Variants in TUBGCP2 observed in about 807,000 individuals in gnomAD.
TUBGCP2 encodes tubulin gamma complex component 2, also known as gamma-tubulin complex component 2.
TUBGCP2 carries 55 observed loss-of-function variants against 92.2 expected under a neutral mutation model. The ratio of observed to expected loss-of-function variants is 0.60; its 90% CI spans 0.48 to 0.75. The LOEUF (loss-of-function observed/expected upper bound fraction) is 0.75, where lower values mean the gene tolerates loss of function less well. Among genes scored for constraint, TUBGCP2 ranks in the 30% least tolerant of loss-of-function variants. The probability of loss-of-function intolerance (pLI) is 0.00; values close to 1 mark genes in which losing one functional copy is unlikely to be tolerated. For synonymous variants in TUBGCP2, 533 were observed against 505.2 expected, an observed-to-expected ratio of 1.06 and a Z score of -0.74; for missense variants, 1,093 against 1,188.9, an observed-to-expected ratio of 0.92 and a Z score of 1.19.
At chr10:133,312,191 C>T (rs1292918188), upstream of TUBGCP2, 6 of 1,415,324 alleles carry the variant, frequency 4.2e-6, no homozygotes, top group Admixed American at 9.1e-5. Flanking sequence ...TTTCTAGCGT[C>T]ACCTGTGCCG....
intron 14 of TUBGCP2, 115 bp from the exon 15 acceptor site, chr10:133,283,336 T>TA: frequency 7.0e-7 from 1 of 1,435,762 alleles, no homozygotes; most frequent in South Asian, 1.3e-5. Context: ...TTCTACCTCT[T>TA]AAATGGGCCT....
chr10:133,297,848 G>A, intron 5 of TUBGCP2, 104 bp downstream of exon 5: 1 of 1,530,366 alleles, frequency 6.5e-7, no homozygotes. Flanking sequence ...AAAGTGTCCT[G>A]CCCAGAGGCC....
upstream of TUBGCP2, among the ~76,000 whole-genome samples, chr10:133,311,040 C>G (rs148756106): frequency 6.7e-3 from 1,016 of 152,306 alleles, 10 homozygotes; most frequent in Middle Eastern, 0.034. Context: ...GGGCTCAAGC[C>G]GTCCATCTGC....
rs1184205047 is a variant in TUBGCP2 at position 133,292,025 on chromosome 10, C to CCG, written c.1214+473_1214+474insCG. Among the ~76,000 whole-genome samples the CCG allele has an allele frequency of 7.4e-4, 4 of 5,412 alleles. 2 individuals carry two copies. Among genetic ancestry groups the CCG allele is most frequent in the Non-Finnish European group, 1.3e-3 (4 of 3,198 alleles). 3.6% of individuals were successfully genotyped at this position (5,412 alleles called of 152,430 possible). A position where few individuals can be genotyped will look rare whatever the true frequency, so the allele number is the denominator to read the frequency against. Reference sequence around the variant, plus strand: ...CACCCTCCGTGTCCCCCATGTCCCTCTGTGTCCCTCCGTGTCCCTCCGTGT... The same window carrying CCG: ...CACCCTCCGTGTCCCCCATGTCCCTCCGTGTGTCCCTCCGTGTCCCTCCGTGT... On this transcript the variant is annotated intron_variant, in intron 8 of 17. Coordinates refer to ENST00000252936, the MANE Select transcript of TUBGCP2 (RefSeq NM_006659.4).
At position 133,282,344 on chromosome 10, in the gene TUBGCP2, TA is replaced by T. The variant is rs2136108195; in HGVS notation, c.2290-3del. On this transcript the variant is annotated splice_region_variant and splice_polypyrimidine_tract_variant and intron_variant, in intron 15 of 17. Transcript: ENST00000252936. ...TAATTTCATGCTCTGTGTAAATTTC[TA>T]GGGGGGGAGAGTCGCAAGGAAATGC... 6.3e-7 allele frequency: 1 copy of T among 1,589,358 alleles called. No individual in the cohort carries two copies. The highest frequency in any genetic ancestry group is 2.3e-5 in the East Asian group (1 of 44,262).
rs376361009 is a variant in TUBGCP2 at position 133,292,997 on chromosome 10, T to C, written c.1024+42A>G. 4 of 1,598,904 alleles carry C rather than the reference T, an allele frequency of 2.5e-6. No individual in the cohort carries two copies. The African/African-American group carries it at 5.4e-5, about 21-fold the overall frequency. On this transcript the variant is annotated intron_variant, in intron 7 of 17. Coordinates refer to ENST00000252936, the MANE Select transcript of TUBGCP2 (RefSeq NM_006659.4). ...CACACTGGGTGCCATGTTCAACACC[T>C]GCCACCCACCACTGCCCCATGCCCC...
Position 133,285,535 on chromosome 10 carries a change from TG to T in TUBGCP2, c.1815del (p.Thr606ArgfsTer5), listed in dbSNP as rs1299466645. The T allele has an allele frequency of 6.3e-7, 1 of 1,598,166 alleles. No individual in the cohort carries two copies. Among genetic ancestry groups the T allele is most frequent in the African/African-American group, 1.3e-5 (1 of 74,386 alleles). On this transcript the variant is annotated frameshift_variant, in exon 12 of 18. Transcript: ENST00000252936. LOFTEE classifies it high-confidence loss of function. This position sits in a 1 kb window ranked among gnomAD's most constrained non-coding sequence, Gnocchi z 6.8. The stretch of plus-strand genomic sequence containing the variant: ...TCCAGGCCGCTCAGCGCCAGCTCCG[TG>T]GGGTCGGCGTGCGCCATCGCCTTCT... ...KQEKAMAHAD[P>X]TELALSGLEA... is the part of the protein sequence containing the mutation.
intron 16 of TUBGCP2, 99 bp downstream of exon 16, chr10:133,282,124 T>G: frequency 6.4e-7 from 1 of 1,562,938 alleles, no homozygotes; most frequent in Non-Finnish European, 8.6e-7. Context: ...GAGATGGAAG[T>G]AAAAGGGGGG....
At position 133,282,221 on chromosome 10, in the gene TUBGCP2, ACCTTCCTGGCGAGCT is replaced by A; in HGVS notation, c.2396_2409+1del. Reference sequence around the variant, plus strand: ...CTCTGGCCAAACCTGGAGGCCACGCACCTTCCTGGCGAGCTCCTTCCGGGCCCGCTCCTCGGCCCC... The same window carrying A: ...CTCTGGCCAAACCTGGAGGCCACGCACCTTCCGGGCCCGCTCCTCGGCCCC... On this transcript the variant is annotated splice_donor_variant and coding_sequence_variant, in exon 16 of 18. Transcript: ENST00000252936. LOFTEE classifies it high-confidence loss of function. The A allele has an allele frequency of 6.2e-7, 1 of 1,611,714 alleles. No homozygotes were observed. The highest frequency in any genetic ancestry group is 8.5e-7 in the Non-Finnish European group (1 of 1,179,706).
chr10:133,287,987 C>T (rs561087301), intron 11 of TUBGCP2, 142 bp downstream of exon 11: 5 of 1,197,902 alleles, frequency 4.2e-6, no homozygotes, highest in African/African-American at 1.6e-5. Context: ...AAGCCGGCCC[C>T]GGTAGCCAAG....
At chr10:133,297,293 G>C in intron 5 of TUBGCP2, 1 of 346,044 alleles carries the variant, frequency 2.9e-6, no homozygotes, top group Non-Finnish European at 5.5e-6. Flanking sequence ...AGCTACTTGG[G>C]AGGCTGAGGC....
intron 4 of TUBGCP2, among the ~76,000 whole-genome samples, chr10:133,299,223 T>TA (rs900203795): frequency 4.7e-5 from 7 of 148,794 alleles, no homozygotes; most frequent in South Asian, 2.1e-4. Context: ...AATTCTTGGT[T>TA]AAAAAAAAAA....
At chr10:133,310,138 G>T (rs768134391), upstream of TUBGCP2, 47 of 1,613,174 alleles carry the variant, frequency 2.9e-5, no homozygotes, top group South Asian at 5.2e-4. Context: ...AGGGGTCAGA[G>T]GGAGGTGACA....
chr10:133,306,516 G>A (rs1009169891), intron 1 of TUBGCP2, among the ~76,000 whole-genome samples: 1 of 152,188 alleles, frequency 6.6e-6, no homozygotes, highest in South Asian at 2.1e-4. Context: ...TGCTGGGCAC[G>A]GTGGCTCACG....
intron 9 of TUBGCP2, among the ~76,000 whole-genome samples, 182 bp from the exon 10 acceptor site, chr10:133,289,202 C>T (rs1196111690): frequency 1.3e-5 from 2 of 152,230 alleles, no homozygotes; most frequent in East Asian, 1.9e-4. Context: ...CTGCATGAGG[C>T]GGCTCCACAC....
intron 2 of TUBGCP2, 174 bp downstream of exon 2, chr10:133,302,618 C>T: frequency 1.4e-6 from 1 of 725,772 alleles, no homozygotes; most frequent in Non-Finnish European, 2.2e-6. Context: ...GCACCCTGAC[C>T]CAGGGGTGGG....
At chr10:133,303,785 C>A (rs1023949977) in intron 1 of TUBGCP2, among the ~76,000 whole-genome samples, 2 of 152,366 alleles carry the variant, frequency 1.3e-5, no homozygotes, top group South Asian at 2.1e-4. Context: ...GACTTCTACA[C>A]GTTCCCTACA....
upstream of TUBGCP2, chr10:133,309,426 G>T: frequency 2.5e-6 from 4 of 1,612,590 alleles, no homozygotes; most frequent in Non-Finnish European, 3.4e-6. Context: ...CCTCCAGGAC[G>T]TGATCATGCA....
chr10:133,293,732 C>T lies in TUBGCP2; in HGVS notation c.654G>A (p.Val218=), dbSNP rs1412479270. 2.5e-6 allele frequency: 4 copies of T among 1,601,956 alleles called. No homozygotes were observed. The highest frequency in any genetic ancestry group is 3.4e-6 in the Non-Finnish European group (4 of 1,175,202). Residue 218 remains valine (V), a synonymous_variant, in exon 6 of 18, where the codon GTG becomes GTA. Coordinates refer to ENST00000252936, the MANE Select transcript of TUBGCP2 (RefSeq NM_006659.4). ...LPLASQESAV[V]EDLLYVLVGV... is the part of the protein sequence containing the mutation. The stretch of plus-strand genomic sequence containing the variant: ...CCACCAGCACGTACAGCAGGTCCTC[C>T]ACCACGGCCGACTCCTGCGAGGCCA...
Sources: gnomAD v4.1 joint callset for allele counts (sites outside exome capture counted in the v4.1 genomes callset) on GRCh38, gnomAD v4.1.1 for gene constraint, Gnocchi (gnomAD v3.1) non-coding constraint, MANE v1.5 for transcripts, NCBI Gene and HGNC (gene_info 2026-07-23, HGNC 2026-07-21) for gene names.